Variants in PRELID2 observed in about 807,000 individuals in gnomAD.
PRELID2 encodes the protein PRELI domain containing 2, also known as PRELI domain-containing protein 2.
PRELID2 carries 25 observed loss-of-function variants against 28.4 expected under a neutral mutation model. The ratio of observed to expected loss-of-function variants is 0.88; its 90% CI spans 0.64 to 1.23. The LOEUF (loss-of-function observed/expected upper bound fraction) is 1.23, where lower values mean the gene tolerates loss of function less well. PRELID2 is among the 50% of genes most tolerant of loss of function. The pLI, the probability that PRELID2 is intolerant of heterozygous loss-of-function variation, is 0.00. For synonymous variants in PRELID2, 76 were observed against 71.6 expected, an observed-to-expected ratio of 1.06 and a Z score of -0.31; for missense variants, 201 against 214.4, an observed-to-expected ratio of 0.94 and a Z score of 0.39.
intron 1 of PRELID2, among the ~76,000 whole-genome samples, chr5:145,688,280 A>G (rs1755076433): frequency 1.3e-5 from 2 of 152,170 alleles, no homozygotes; most frequent in African/African-American, 2.4e-5. Flanking sequence ...CAATTTTCAC[A>G]ACATTAACTT....
chr5:145,475,869 T>G (rs1162952129), intron 1 of PRELID2, among the ~76,000 whole-genome samples: 1 of 152,186 alleles, frequency 6.6e-6, no homozygotes, highest in Non-Finnish European at 1.5e-5. Context: ...TTATAAAATA[T>G]TTTCCCATGT....
At chr5:145,668,991 A>G (rs1754651136) in intron 1 of PRELID2, among the ~76,000 whole-genome samples, 1 of 152,016 alleles carries the variant, frequency 6.6e-6, no homozygotes. Flanking sequence ...ATCTAGAGTC[A>G]CTTCCTGTGG....
chr5:145,361,522 T>C, the PRELID2 span, among the ~76,000 whole-genome samples: 407 of 152,294 alleles, frequency 2.7e-3, no homozygotes, highest in African/African-American at 9.3e-3. Context: ...CATTTAATCT[T>C]ATATTCAGCA....
At chr5:145,643,175 G>C (rs1323919349) in intron 1 of PRELID2, among the ~76,000 whole-genome samples, 2 of 152,064 alleles carry the variant, frequency 1.3e-5, no homozygotes, top group Non-Finnish European at 2.9e-5. Flanking sequence ...ATTTGTTTGT[G>C]TCCTCTCTTA....
In PRELID2 at chr5:145,492,349, C is replaced by T. The variant is rs1416014978; in HGVS notation, n.71-19034G>A. On this transcript the variant is annotated intron_variant and non_coding_transcript_variant, in intron 1 of 2. Transcript: ENST00000510259. ...TCTTTTGCAAAATGTCTATTCAGGT[C>T]CTTTGCAAAATTTTTAATCGAGTCA... 4.2e-5 allele frequency among the ~76,000 whole-genome samples: 4 copies of T among 95,606 alleles called. 2 individuals carry two copies. The highest frequency in any genetic ancestry group is 1.1e-4 in the Non-Finnish European group (4 of 37,590). 62.7% of individuals were successfully genotyped at this position (95,606 alleles called of 152,430 possible).
the PRELID2 span, among the ~76,000 whole-genome samples, chr5:145,258,857 G>A: frequency 6.6e-6 from 1 of 152,150 alleles, no homozygotes; most frequent in Non-Finnish European, 1.5e-5. Context: ...AGACATTTCA[G>A]AGACCTTCAG....
At chr5:145,412,363 T>A in the PRELID2 span, among the ~76,000 whole-genome samples, 1 of 152,226 alleles carries the variant, frequency 6.6e-6, no homozygotes, top group Non-Finnish European at 1.5e-5. Flanking sequence ...TCCACAGATC[T>A]CTACGGCAGG....
chr5:145,741,057 G>GTATACAAATAAAATATC (rs1756703347), intron 1 of PRELID2, among the ~76,000 whole-genome samples: 3 of 111,406 alleles, frequency 2.7e-5, no homozygotes, highest in African/African-American at 1.1e-4. Flanking sequence ...AATAAAATAT[G>GTATACAAATAAAATATC]TATATTATAT....
intron 5 of PRELID2, among the ~76,000 whole-genome samples, chr5:145,779,365 G>T (rs531684265): frequency 1.3e-5 from 2 of 152,196 alleles, no homozygotes; most frequent in East Asian, 1.9e-4. Context: ...AAGGTTATAT[G>T]TATAAAGTTG....
intron 1 of PRELID2, among the ~76,000 whole-genome samples, chr5:145,562,707 C>A (rs944391657): frequency 6.6e-6 from 1 of 151,482 alleles, no homozygotes; most frequent in African/African-American, 2.4e-5. Context: ...TTCAAAAGTA[C>A]ACACAAGTTT....
chr5:145,287,433 T>A, the PRELID2 span, among the ~76,000 whole-genome samples: 1 of 152,264 alleles, frequency 6.6e-6, no homozygotes, highest in Admixed American at 6.5e-5. Context: ...AGCTACTAAG[T>A]GACTAACAAA....
the PRELID2 span, among the ~76,000 whole-genome samples, chr5:145,354,762 A>G: frequency 3.9e-5 from 6 of 152,324 alleles, no homozygotes; most frequent in South Asian, 2.1e-4. Flanking sequence ...GTGAATCTAT[A>G]TAATTTTTAA....
intron 1 of PRELID2, among the ~76,000 whole-genome samples, chr5:145,721,094 C>T (rs1012388039): frequency 2.0e-5 from 3 of 151,748 alleles, no homozygotes; most frequent in Admixed American, 6.6e-5. Flanking sequence ...TTTGCAAATC[C>T]CTTTAAGGTC....
the PRELID2 span, among the ~76,000 whole-genome samples, chr5:145,395,792 T>C: frequency 1.1e-4 from 17 of 152,134 alleles, no homozygotes; most frequent in African/African-American, 3.9e-4. Context: ...AACCCATGGC[T>C]TGGAGTCATG....
chr5:145,645,730 A>T (rs917172237), intron 1 of PRELID2, among the ~76,000 whole-genome samples: 1 of 152,026 alleles, frequency 6.6e-6, no homozygotes, highest in African/African-American at 2.4e-5. Flanking sequence ...AGGCCTGGTG[A>T]TGACACAATC....
chr5:145,273,756 T>G, the PRELID2 span, among the ~76,000 whole-genome samples: 1 of 152,122 alleles, frequency 6.6e-6, no homozygotes, highest in African/African-American at 2.4e-5. Flanking sequence ...AAATCACTCT[T>G]TGGGAACAAA....
chr5:145,693,044 G>A (rs1370376828), intron 1 of PRELID2, among the ~76,000 whole-genome samples: 1 of 151,994 alleles, frequency 6.6e-6, no homozygotes, highest in Non-Finnish European at 1.5e-5. Flanking sequence ...AACTACAGCT[G>A]TACAGAACTA....
chr5:145,253,163 G>A, the PRELID2 span, among the ~76,000 whole-genome samples: 2 of 152,028 alleles, frequency 1.3e-5, no homozygotes, highest in African/African-American at 2.4e-5. Flanking sequence ...CTCATTTTCT[G>A]GCTGGAATGC....
At chr5:145,398,007 G>T in the PRELID2 span, among the ~76,000 whole-genome samples, 1 of 152,070 alleles carries the variant, frequency 6.6e-6, no homozygotes, top group East Asian at 1.9e-4. Flanking sequence ...TTCTCAAAGG[G>T]GCTAGAGTTT....
Sources: allele counts gnomAD v4.1 joint callset (sites outside exome capture counted in the v4.1 genomes callset), GRCh38; gene constraint gnomAD v4.1.1; transcripts MANE v1.5; gene names NCBI Gene and HGNC (gene_info 2026-07-23, HGNC 2026-07-21).